The following ZNF385D variants were observed in gnomAD, a reference collection of about 807,000 sequenced individuals.
ZNF385D encodes the protein zinc finger protein 659.
In ZNF385D, 15 loss-of-function variants were observed where a neutral mutation model predicts 35.8. The ratio of observed to expected loss-of-function variants is 0.42; its 90% CI spans 0.28 to 0.64. The LOEUF (loss-of-function observed/expected upper bound fraction) is 0.64, where lower values mean the gene tolerates loss of function less well. Ranked by LOEUF, ZNF385D falls within the 30% of genes least tolerant of loss-of-function variation. ZNF385D has a pLI of 0.23. For missense variants in ZNF385D, 474 were observed against 494.6 expected, an observed-to-expected ratio of 0.96 and a Z score of 0.39; for synonymous variants, 212 against 186.8, an observed-to-expected ratio of 1.13 and a Z score of -1.10.
chr3:21,993,016 G>C (rs561924080), intron 3 of ZNF385D, among the ~76,000 whole-genome samples: 1 of 152,260 alleles, frequency 6.6e-6, no homozygotes, highest in African/African-American at 2.4e-5. Flanking sequence ...AAATTTTTGA[G>C]CTTGCTCATT....
intron 3 of ZNF385D, among the ~76,000 whole-genome samples, chr3:22,117,939 T>C (rs1702892951): frequency 6.6e-6 from 1 of 152,052 alleles, no homozygotes. Flanking sequence ...GGTACTCTAC[T>C]GCCCTCTCAT....
chr3:21,633,057 T>C (rs1369009649), intron 2 of ZNF385D, among the ~76,000 whole-genome samples: 1 of 152,090 alleles, frequency 6.6e-6, no homozygotes. Context: ...TGCACAAAAG[T>C]CTAAAATTTG....
chr3:22,102,519 A>G (rs1318845625), intron 3 of ZNF385D, among the ~76,000 whole-genome samples: 2 of 152,156 alleles, frequency 1.3e-5, no homozygotes, highest in East Asian at 3.9e-4. Flanking sequence ...TTTAATCTAA[A>G]ACCAGGGAAG....
chr3:21,607,138 T>C (rs9817315), intron 2 of ZNF385D, among the ~76,000 whole-genome samples: 2,965 of 152,310 alleles, frequency 0.019, 93 homozygotes, highest in African/African-American at 0.067. Flanking sequence ...ATTGATGGTG[T>C]GTACAGTAAT....
intron 2 of ZNF385D, among the ~76,000 whole-genome samples, chr3:21,632,367 CTTAAT>C (rs974869727): frequency 1.3e-5 from 2 of 152,034 alleles, no homozygotes; most frequent in African/African-American, 4.8e-5. Context: ...GACTGGCTTT[CTTAAT>C]TTGTTTATTT....
chr3:22,085,289 A>T (rs2620551), intron 3 of ZNF385D, among the ~76,000 whole-genome samples: 20,158 of 152,170 alleles, frequency 0.13, 1,586 homozygotes, highest in Middle Eastern at 0.24. Flanking sequence ...ATGAATCCAG[A>T]AGCTGGTTTT....
intron 3 of ZNF385D, among the ~76,000 whole-genome samples, chr3:21,550,446 C>G (rs1172574365): frequency 1.3e-5 from 2 of 152,110 alleles, no homozygotes. Context: ...AGACACACAG[C>G]TTAGTTTTAC....
chr3:21,787,177 G>T (rs1418997599), intron 3 of ZNF385D, among the ~76,000 whole-genome samples: 1 of 152,068 alleles, frequency 6.6e-6, no homozygotes, highest in Non-Finnish European at 1.5e-5. Flanking sequence ...ACTATCTGGG[G>T]GGTTACTGAT....
intron 2 of ZNF385D, among the ~76,000 whole-genome samples, chr3:22,197,069 G>A (rs556401398): frequency 1.1e-4 from 16 of 151,948 alleles, no homozygotes; most frequent in Non-Finnish European, 2.4e-4. Flanking sequence ...TGAAAAGTCA[G>A]CTTTCACATA....
intron 3 of ZNF385D, among the ~76,000 whole-genome samples, chr3:21,769,621 T>G (rs1156557318): frequency 9.2e-6 from 1 of 109,204 alleles, no homozygotes; most frequent in Non-Finnish European, 1.8e-5. Flanking sequence ...TCCATGCTCA[T>G]GGATAGGAAG....
In ZNF385D at chr3:21,864,282, G is replaced by GC. The variant is rs1697214503; in HGVS notation, c.326-199255_326-199254insG. Among the ~76,000 whole-genome samples the GC allele has an allele frequency of 2.0e-5, 3 of 152,198 alleles. No homozygotes were observed. In the South Asian group the frequency reaches 6.2e-4, roughly 32 times the overall value. The stretch of plus-strand genomic sequence containing the variant: ...TTCATGAAGTCTGATAGCTTAACCA[G>GC]GTAAGCAACCTTTTCATATCAACCC... On this transcript the variant is annotated intron_variant, in intron 3 of 5. Coordinates refer to the ZNF385D transcript ENST00000494108.
At chr3:21,774,542 G>C (rs2071209614) in intron 3 of ZNF385D, among the ~76,000 whole-genome samples, 2 of 151,912 alleles carry the variant, frequency 1.3e-5, no homozygotes, top group Non-Finnish European at 2.9e-5. Context: ...ATAGGGAGTA[G>C]AGTCTCTATT....
chr3:21,509,677 A>G (rs1185380771), intron 4 of ZNF385D, among the ~76,000 whole-genome samples: 8 of 152,166 alleles, frequency 5.3e-5, no homozygotes, highest in Admixed American at 5.2e-4. Flanking sequence ...CATTTTACTC[A>G]GCATTTATCC....
intron 3 of ZNF385D, among the ~76,000 whole-genome samples, chr3:22,125,493 T>A (rs1461939123): frequency 6.6e-6 from 1 of 152,130 alleles, no homozygotes; most frequent in East Asian, 1.9e-4. Context: ...AACTTGTGGA[T>A]TGCTTTGAAT....
intron 3 of ZNF385D, among the ~76,000 whole-genome samples, chr3:22,152,861 G>A (rs1252035656): frequency 6.6e-6 from 1 of 152,072 alleles, no homozygotes; most frequent in Non-Finnish European, 1.5e-5. Context: ...ACTTATAAGG[G>A]TCCCTGTACT....
At chr3:22,303,332 T>C (rs1703014649) in intron 2 of ZNF385D, among the ~76,000 whole-genome samples, 3 of 152,116 alleles carry the variant, frequency 2.0e-5, no homozygotes, top group Admixed American at 2.0e-4. Flanking sequence ...CTCCTGCCAC[T>C]ACTCTTCTCA....
intron 1 of ZNF385D, among the ~76,000 whole-genome samples, chr3:21,700,196 G>A (rs1053009180): frequency 6.6e-6 from 1 of 152,014 alleles, no homozygotes; most frequent in African/African-American, 2.4e-5. Context: ...CAGGTTGTGG[G>A]GGTAAAGGGG....
chr3:21,576,722 T>G (rs1257855069), intron 2 of ZNF385D, among the ~76,000 whole-genome samples: 2 of 152,138 alleles, frequency 1.3e-5, no homozygotes, highest in African/African-American at 4.8e-5. Context: ...TATTTAAACT[T>G]TATTGAAACT....
intron 3 of ZNF385D, among the ~76,000 whole-genome samples, chr3:22,091,418 A>G (rs1318777608): frequency 6.6e-6 from 1 of 152,160 alleles, no homozygotes; most frequent in Non-Finnish European, 1.5e-5. Flanking sequence ...AGAAATCAAA[A>G]GATAGCACAT....
Sources: gnomAD v4.1 joint callset for allele counts (sites outside exome capture counted in the v4.1 genomes callset) on GRCh38, gnomAD v4.1.1 for gene constraint, MANE v1.5 for transcripts, NCBI Gene and HGNC (gene_info 2026-07-23, HGNC 2026-07-21) for gene names.